CEP170B: variants seen among roughly 807,000 people sequenced by gnomAD.
CEP170B encodes centrosomal protein of 170 kDa protein B.
CEP170B carries 55 observed loss-of-function variants against 120.6 expected under a neutral mutation model. The ratio of observed to expected loss-of-function variants is 0.46; its 90% confidence interval spans 0.37 to 0.57. CEP170B has a LOEUF of 0.57. Among genes scored for constraint, CEP170B ranks in the 20% least tolerant of loss-of-function variants. The pLI, the probability that CEP170B is intolerant of heterozygous loss-of-function variation, is 0.00. For missense variants in CEP170B, 2,212 were observed against 2,253.3 expected (o/e 0.98, Z 0.37); for synonymous variants, 1,033 against 954.5 (o/e 1.08, Z -1.52).
At position 104,893,802 on chromosome 14, in the gene CEP170B, G is replaced by A. The variant is rs201496468; in HGVS notation, c.4224G>A (p.Leu1408=). 308 of 1,612,370 alleles carry A rather than the reference G, an allele frequency of 1.9e-4. No homozygotes were observed. Among genetic ancestry groups the A allele is most frequent in the Non-Finnish European group, 2.5e-4 (297 of 1,179,680 alleles). ...DNLMLNPVSQ[L]SQAIRENTEH... Reference sequence around the variant, plus strand: ...TGATGCTGAACCCGGTGTCCCAGCTGTCGCAGGCCATCCGTGAGAACACAG... The same window carrying A: ...TGATGCTGAACCCGGTGTCCCAGCTATCGCAGGCCATCCGTGAGAACACAG... The change falls in exon 16 of 19, where the codon CTG becomes CTA. Residue 1408 remains leucine, a synonymous_variant. Transcript: ENST00000414716.
rs369204907 is a variant in CEP170B, at chr14:104,886,876, G to T, written c.2637G>T (p.Ala879=). The T allele has an allele frequency of 1.9e-6, 3 of 1,610,442 alleles. No homozygotes were observed. ...AGGAGCCAGCCAGTGGTCCCCCAGCGCCCGGCAAGCCCCCCCACATCTCCA... is the reference window on the plus strand; with the variant it reads ...AGGAGCCAGCCAGTGGTCCCCCAGCTCCCGGCAAGCCCCCCCACATCTCCA... The part of the protein sequence containing the change: ...FTKEPASGPP[A]PGKPPHISSH... The change falls in exon 12 of 19, where the codon GCG becomes GCT. Residue 879 remains alanine (A), a synonymous_variant. Coordinates refer to ENST00000414716, the MANE Select transcript of CEP170B (RefSeq NM_001112726.3).
chr14:104,874,691 C>G (rs1186557312), intron 2 of CEP170B, among the ~76,000 whole-genome samples: 1 of 150,522 alleles, frequency 6.6e-6, no homozygotes, highest in Non-Finnish European at 1.5e-5. Flanking sequence ...CAGTCCTCCC[C>G]TCAGTCCTCC....
rs1349349979 is a variant in CEP170B, at chr14:104,876,239, G to T, written c.106-17G>T. 6.5e-7 allele frequency: 1 copy of T among 1,550,180 alleles called. No homozygotes were observed. Among genetic ancestry groups the T allele is most frequent in the Non-Finnish European group, 8.7e-7 (1 of 1,146,602 alleles). On this transcript the variant is annotated splice_polypyrimidine_tract_variant and intron_variant, in intron 2 of 18. Transcript: ENST00000414716. ...CCTCCCCTGGAGCACCTGAGGGCTG[G>T]CTGTGTGTCTCTCCAGTCCCGCAGC...
rs1348552467 is a variant in CEP170B, at chr14:104,889,699, G to A, written c.3819G>A (p.Glu1273=). 3 of 1,612,028 alleles carry A rather than the reference G, an allele frequency of 1.9e-6. No individual in the cohort carries two copies. The highest frequency in any genetic ancestry group is 2.5e-6 in the Non-Finnish European group (3 of 1,179,662). The change falls in exon 13 of 19, where the codon GAG becomes GAA. Residue 1273 remains glutamate (E), a synonymous_variant. Transcript: ENST00000414716. ...GCCCCCGGGACACGGACGACGATGA[G>A]GAGGAGCCTGACCCTTATGGTTTCA... ...APGPRDTDDD[E]EEPDPYGFIV...
chr14:104,890,753 G>A (rs1457666754), intron 13 of CEP170B, among the ~76,000 whole-genome samples: 1,171 of 62,644 alleles, frequency 0.019, no homozygotes, highest in Non-Finnish European at 0.034. Flanking sequence ...GAATGGATGA[G>A]TGAGTGGGTG....
intron 18 of CEP170B, 37 bp from the exon 19 acceptor site, chr14:104,894,674 C>A: frequency 1.3e-6 from 2 of 1,572,858 alleles, no homozygotes; most frequent in Non-Finnish European, 1.7e-6. Context: ...AGCAGGTGAA[C>A]TGGATCCGCA....
rs572681500 is a variant in CEP170B at position 104,892,224 on chromosome 14, A to G, written c.3879-752A>G. Among the ~76,000 whole-genome samples, 398 of 152,228 alleles carry G rather than the reference A, an allele frequency of 2.6e-3. 2 individuals carry two copies. The highest frequency in any genetic ancestry group is 6.9e-3 in the Admixed American group (106 of 15,298). On this transcript the variant is annotated intron_variant, in intron 13 of 18. Transcript: ENST00000414716. ...CAGGTGCTTAAGGGGCCAGCAGGACAGCTGACGAGGCTGTGCGCTCCAGCA... is the reference window on the plus strand; with the variant it reads ...CAGGTGCTTAAGGGGCCAGCAGGACGGCTGACGAGGCTGTGCGCTCCAGCA...
chr14:104,885,291 G>C (rs1325193440), intron 9 of CEP170B, 78 bp from the exon 10 acceptor site: 1 of 1,433,916 alleles, frequency 7.0e-7, no homozygotes, highest in African/African-American at 1.5e-5. Flanking sequence ...CTGTGGCCTG[G>C]GGGTGGCCAG....
chr14:104,865,174 G>T (rs1436749002), upstream of CEP170B: 2 of 146,598 alleles, frequency 1.4e-5, no homozygotes, highest in Non-Finnish European at 3.0e-5. The surrounding 1 kb of genome is among the most constrained non-coding windows in gnomAD (Gnocchi z 6.7). Context: ...GTTTCCGGCG[G>T]GGCGGCGCGG....
intron 13 of CEP170B, among the ~76,000 whole-genome samples, chr14:104,890,850 TG>T: frequency 8.5e-6 from 1 of 117,430 alleles, no homozygotes; most frequent in African/African-American, 3.3e-5. Context: ...AATGGATGAA[TG>T]AGTGGGTGGG....
intron 17 of CEP170B, 56 bp from the exon 18 acceptor site, chr14:104,894,481 G>T: frequency 6.2e-7 from 1 of 1,601,442 alleles, no homozygotes; most frequent in East Asian, 2.2e-5. Flanking sequence ...GAGCCCCGGG[G>T]CAGGGCTGCA....
At chr14:104,876,211 C>T in intron 2 of CEP170B, 45 bp from the exon 3 acceptor site, 1 of 1,541,910 alleles carries the variant, frequency 6.5e-7, no homozygotes, top group Non-Finnish European at 8.8e-7. Context: ...TTGGGTGTCA[C>T]CTCCTCCCCT....
intron 12 of CEP170B, among the ~76,000 whole-genome samples, chr14:104,888,485 C>CAGGG (rs945357341): frequency 2.0e-5 from 3 of 152,240 alleles, no homozygotes; most frequent in Non-Finnish European, 4.4e-5. Context: ...GCCCCATGAC[C>CAGGG]AGGGAGGGAG....
chr14:104,884,290 T>C lies in CEP170B; in HGVS notation c.1511T>C (p.Met504Thr), dbSNP rs1443408821. 1 of 1,544,314 alleles carries C rather than the reference T, an allele frequency of 6.5e-7. No individual in the cohort carries two copies. Among genetic ancestry groups the C allele is most frequent in the Non-Finnish European group, 8.7e-7 (1 of 1,145,420 alleles). The change falls in exon 9 of 19, where the codon ATG (methionine) becomes ACG (threonine). Residue 504 changes from methionine (M) to threonine (T), a missense_variant. Around this residue, in one of 2 missense-constraint regions of CEP170B, gnomAD observed 2,166 missense variants for 2,166.7 expected, o/e 1.00. Coordinates refer to ENST00000414716, the MANE Select transcript of CEP170B (RefSeq NM_001112726.3). ...CGCTCCCGCCTGGCCCAGGACTTCA[T>C]GGCCCAGTGTCTGCGGGAGAGCTCC... ...GRRSRLAQDF[M>T]AQCLRESSPA... is the part of the protein sequence containing the mutation.
At chr14:104,869,803 C>T (rs1324676126) in intron 2 of CEP170B, among the ~76,000 whole-genome samples, 1 of 152,210 alleles carries the variant, frequency 6.6e-6, no homozygotes, top group Non-Finnish European at 1.5e-5. Flanking sequence ...ACCAAATTGG[C>T]CGGCGCCTAG....
At position 104,883,875 on chromosome 14, in the gene CEP170B, C is replaced by T. The variant is rs775684328; in HGVS notation, c.1096C>T (p.Leu366=). 1.3e-6 allele frequency: 2 copies of T among 1,576,780 alleles called. No individual in the cohort carries two copies. The highest frequency in any genetic ancestry group is 4.6e-5 in the East Asian group (2 of 43,014). Residue 366 remains leucine, a synonymous_variant, in exon 9 of 19, where the codon CTG becomes TTG. Coordinates refer to ENST00000414716, the MANE Select transcript of CEP170B (RefSeq NM_001112726.3). The part of the protein sequence containing the change: ...DGTQSDSEDP[L]AKAASAAGVP... ...CACGCAGAGTGACTCAGAGGACCCC[C>T]TGGCCAAGGCGGCCTCGGCCGCTGG... is the stretch of plus-strand genomic sequence containing the variant.
At chr14:104,877,132 C>T (rs927129423) in intron 3 of CEP170B, among the ~76,000 whole-genome samples, 3 of 152,102 alleles carry the variant, frequency 2.0e-5, no homozygotes, top group Non-Finnish European at 4.4e-5. Flanking sequence ...CAAGGAGCTC[C>T]GGCCAGGGGG....
At chr14:104,874,674 T>C (rs1421620171) in intron 2 of CEP170B, among the ~76,000 whole-genome samples, 8 of 149,788 alleles carry the variant, frequency 5.3e-5, no homozygotes, top group African/African-American at 9.8e-5. Context: ...CCCCCGGTCC[T>C]CCACTGCAGT....
rs1566848555 is a variant in CEP170B, at chr14:104,867,708, C to T, written c.-27-716C>T. Among the ~76,000 whole-genome samples, 1 of 152,202 alleles carries T rather than the reference C, an allele frequency of 6.6e-6. No individual in the cohort carries two copies. The highest frequency in any genetic ancestry group is 1.5e-5 in the Non-Finnish European group (1 of 68,038). On this transcript the variant is annotated intron_variant, in intron 1 of 18. Transcript: ENST00000414716. This position sits in a 1 kb window ranked among gnomAD's most constrained non-coding sequence, Gnocchi z 5.4. Reference sequence around the variant, plus strand: ...GGGCTCCCTGCCTGTCTACACCAGCCCCTCAGACCACCCCCTCTTTGTTGA... The same window carrying T: ...GGGCTCCCTGCCTGTCTACACCAGCTCCTCAGACCACCCCCTCTTTGTTGA...
Sources: gnomAD v4.1 joint callset for allele counts (sites outside exome capture counted in the v4.1 genomes callset) on GRCh38, gnomAD v4.1.1 for gene constraint, gnomAD v4.1.1 regional missense constraint, Gnocchi (gnomAD v3.1) non-coding constraint, MANE v1.5 for transcripts, NCBI Gene and HGNC (gene_info 2026-07-23, HGNC 2026-07-21) for gene names.